Variants in KCNAB2 observed in about 807,000 individuals in gnomAD.
KCNAB2 encodes potassium voltage-gated channel subfamily A regulatory beta subunit 2, also known as voltage-gated potassium channel subunit beta-2.
In KCNAB2, 29 loss-of-function variants were observed where a neutral mutation model predicts 63.6. That is an observed-to-expected ratio of 0.46 (90% CI 0.34 to 0.62). The LOEUF (loss-of-function observed/expected upper bound fraction) is 0.62. Among genes scored for constraint, KCNAB2 ranks in the 20% least tolerant of loss-of-function variants. KCNAB2 has a pLI of 0.01. For synonymous variants in KCNAB2, 222 were observed against 224.2 expected, an observed-to-expected ratio of 0.99 and a Z score of 0.09; for missense variants, 359 against 563.9, an observed-to-expected ratio of 0.64 and a Z score of 3.68.
chr1:6,066,108 G>A (rs186976327), intron 2 of KCNAB2, among the ~76,000 whole-genome samples: 3 of 152,324 alleles, frequency 2.0e-5, no homozygotes, highest in Admixed American at 1.3e-4. Context: ...CTCAAGGGCC[G>A]GGGCCCTGAG....
Position 6,098,748 on chromosome 1 carries a change from T to G in KCNAB2, c.*174T>G. ...TCGCTGCCAGACACCACCCACTGCT[T>G]CGCCGGACAATGTCGAAGTCCAGTC... is the stretch of plus-strand genomic sequence containing the variant. On this transcript the variant is annotated 3_prime_UTR_variant, in exon 16 of 16. Coordinates refer to ENST00000378083, the MANE Select transcript of KCNAB2 (RefSeq NM_001199862.2). The G allele has an allele frequency of 1.3e-6, 1 of 779,006 alleles. No individual in the cohort carries two copies. Among genetic ancestry groups the G allele is most frequent in the Admixed American group, 2.8e-5 (1 of 35,590 alleles). 48.3% of individuals were successfully genotyped at this position (779,006 alleles called of 1,614,324 possible).
At position 6,087,345 on chromosome 1, in the gene KCNAB2, C is replaced by T. The variant is rs970689507; in HGVS notation, c.426-122C>T. Reference sequence around the variant, plus strand: ...TGATGGAGAAGTGCCCATTTCATGCCCCAGGCTCCTGGGTGGGAGGGCTTT... The same window carrying T: ...TGATGGAGAAGTGCCCATTTCATGCTCCAGGCTCCTGGGTGGGAGGGCTTT... On this transcript the variant is annotated intron_variant, in intron 6 of 15. Coordinates refer to ENST00000378083, the MANE Select transcript of KCNAB2 (RefSeq NM_001199862.2). This position sits in a 1 kb window ranked among gnomAD's most constrained non-coding sequence, Gnocchi z 6.4. The T allele has an allele frequency of 5.6e-6, 6 of 1,068,338 alleles. No homozygotes were observed. The African/African-American group carries it at 7.8e-5, about 14-fold the overall frequency. 66.2% of individuals were successfully genotyped at this position (1,068,338 alleles called of 1,614,324 possible). A position where few individuals can be genotyped will look rare whatever the true frequency, so the allele number is the denominator to read the frequency against.
rs774665460 is a variant in KCNAB2 at position 6,073,615 on chromosome 1, C to T, written c.263-118C>T. ...CACTAAGGACACCCTGGCCACAGAGCAGCACAGAGGGACACCTGTGGCTGC... is the reference window on the plus strand; with the variant it reads ...CACTAAGGACACCCTGGCCACAGAGTAGCACAGAGGGACACCTGTGGCTGC... On this transcript the variant is annotated intron_variant, in intron 3 of 15. Coordinates refer to ENST00000378083, the MANE Select transcript of KCNAB2 (RefSeq NM_001199862.2). The surrounding 1 kb of genome is among the most constrained non-coding windows in gnomAD (Gnocchi z 5.7). 6.1e-5 allele frequency: 54 copies of T among 890,896 alleles called. No individual in the cohort carries two copies. Among genetic ancestry groups the T allele is most frequent in the Non-Finnish European group, 9.6e-5 (51 of 528,682 alleles). 55.2% of individuals were successfully genotyped at this position (890,896 alleles called of 1,614,324 possible).
rs34975389 is a variant in KCNAB2, at chr1:6,085,213, G to A, written c.390G>A (p.Val130=). Residue 130 remains valine, a synonymous_variant, in exon 6 of 16, where the codon GTG becomes GTA. Coordinates refer to ENST00000378083, the MANE Select transcript of KCNAB2 (RefSeq NM_001199862.2). ...AEVYAAGKAE[V]VLGNIIKKKG... ...GTGTCTTGTTTTGCAGGGCTGAAGTGGTACTGGGAAACATCATTAAGAAGA... is the reference window on the plus strand; with the variant it reads ...GTGTCTTGTTTTGCAGGGCTGAAGTAGTACTGGGAAACATCATTAAGAAGA... 4.4e-3 allele frequency: 7,158 copies of A among 1,614,060 alleles called. 29 individuals carry two copies. The highest frequency in any genetic ancestry group is 5.4e-3 in the Non-Finnish European group (6,384 of 1,179,894).
chr1:6,010,500 C>T (rs1230843612), intron 1 of KCNAB2, among the ~76,000 whole-genome samples: 2 of 152,210 alleles, frequency 1.3e-5, no homozygotes, highest in Non-Finnish European at 2.9e-5. Flanking sequence ...TCAAGTGTGG[C>T]CAAGGCTGTC....
intron 11 of KCNAB2, 93 bp from the exon 12 acceptor site, chr1:6,095,230 C>T (rs1199406430): frequency 2.9e-6 from 4 of 1,370,824 alleles, no homozygotes; most frequent in Non-Finnish European, 3.0e-6. Flanking sequence ...CAGCCTGCTC[C>T]GGGGACACCT....
At chr1:6,038,920 C>T (rs1009255268) in intron 1 of KCNAB2, among the ~76,000 whole-genome samples, 1 of 152,200 alleles carries the variant, frequency 6.6e-6, no homozygotes, top group Non-Finnish European at 1.5e-5. Flanking sequence ...TGTGGGACCA[C>T]GTGATTTTGG....
chr1:6,062,047 T>C lies in KCNAB2; in HGVS notation c.218+10293T>C, dbSNP rs535823303. On this transcript the variant is annotated intron_variant, in intron 2 of 15. Transcript: ENST00000378083. ...TCCAGTGTCAGCCAAGCGCGGTGGC[T>C]CACGCCTGTAATCCCAGCATTTTAG... 4.0e-5 allele frequency among the ~76,000 whole-genome samples: 6 copies of C among 151,808 alleles called. No individual in the cohort carries two copies. The South Asian group carries it at 1.2e-3, about 32-fold the overall frequency.
At chr1:6,072,926 A>C in intron 3 of KCNAB2, 128 bp downstream of exon 3, 1 of 753,688 alleles carries the variant, frequency 1.3e-6, no homozygotes, top group East Asian at 2.8e-5. Flanking sequence ...GAGTAGCTGC[A>C]CCCAGAGCCC....
intron 1 of KCNAB2, among the ~76,000 whole-genome samples, chr1:6,016,737 C>T (rs1192795556): frequency 2.0e-5 from 3 of 152,176 alleles, no homozygotes; most frequent in Admixed American, 2.0e-4. Flanking sequence ...GACACTAATA[C>T]GTCCCACTGG....
intron 2 of KCNAB2, among the ~76,000 whole-genome samples, chr1:6,066,001 A>T (rs561543079): frequency 6.6e-6 from 1 of 152,108 alleles, no homozygotes. Context: ...TTTCTTGGGG[A>T]CAGATGGCTC....
chr1:6,028,862 C>A lies in KCNAB2; in HGVS notation c.-52-11655C>A, dbSNP rs1239193807. 6.6e-6 allele frequency among the ~76,000 whole-genome samples: 1 copy of A among 152,234 alleles called. No homozygotes were observed. Among genetic ancestry groups the A allele is most frequent in the Middle Eastern group, 3.2e-3 (1 of 316 alleles). On this transcript the variant is annotated intron_variant, in intron 1 of 16. Transcript: ENST00000341524. This position sits in a 1 kb window ranked among gnomAD's most constrained non-coding sequence, Gnocchi z 4.0. ...AGATAAGGAATACAAGGTGATCATT[C>A]TTAAGACCTCGGGGATCTGCAAACC...
rs751935795 is a variant in KCNAB2, at chr1:6,090,449, G to A, written c.575G>A (p.Arg192His). The change falls in exon 9 of 16, where the codon CGC becomes CAC. Residue 192 changes from arginine (R) to histidine (H), a missense_variant. Coordinates refer to ENST00000378083, the MANE Select transcript of KCNAB2 (RefSeq NM_001199862.2). The stretch of plus-strand genomic sequence containing the variant: ...TACGTGGATGTGGTGTTTGCCAACC[G>A]CCCGGACCCCAACACCCCGATGGAA... ...LEYVDVVFANRPDPNTPMEGD... is the reference protein window; with the variant it reads ...LEYVDVVFANHPDPNTPMEGD... 8 of 1,613,610 alleles carry A rather than the reference G, an allele frequency of 5.0e-6. No homozygotes were observed. Among genetic ancestry groups the A allele is most frequent in the Non-Finnish European group, 5.1e-6 (6 of 1,179,876 alleles).
chr1:6,066,198 G>A (rs758786788), intron 2 of KCNAB2, among the ~76,000 whole-genome samples: 5 of 152,240 alleles, frequency 3.3e-5, no homozygotes, highest in African/African-American at 7.2e-5. Flanking sequence ...ATGGTGGCCC[G>A]GAGCCTGGGA....
rs1054718795 is a variant in KCNAB2 at position 6,097,534 on chromosome 1, A to G, written c.1158+177A>G. 11 of 1,090,444 alleles carry G rather than the reference A, an allele frequency of 1.0e-5. No individual in the cohort carries two copies. In the African/African-American group the frequency reaches 1.4e-4, roughly 14 times the overall value. 67.5% of individuals were successfully genotyped at this position (1,090,444 alleles called of 1,614,324 possible). ...CTTTCCAGCAGGAACAGACATGAACACTAACTGCACGAAACAAGGAGGTTA... is the reference window on the plus strand; with the variant it reads ...CTTTCCAGCAGGAACAGACATGAACGCTAACTGCACGAAACAAGGAGGTTA... On this transcript the variant is annotated intron_variant, in intron 15 of 15. Coordinates refer to ENST00000378083, the MANE Select transcript of KCNAB2 (RefSeq NM_001199862.2).
upstream of KCNAB2, among the ~76,000 whole-genome samples, chr1:6,029,664 A>G (rs1323218522): frequency 6.6e-6 from 1 of 152,196 alleles, no homozygotes; most frequent in Non-Finnish European, 1.5e-5. Context: ...CTCCCTCATT[A>G]TCATCCCATT....
intron 1 of KCNAB2, among the ~76,000 whole-genome samples, chr1:6,048,785 G>A (rs926281739): frequency 2.6e-5 from 4 of 152,190 alleles, no homozygotes; most frequent in East Asian, 1.9e-4. Flanking sequence ...GCCCCACACC[G>A]GACTGGCAGC....
At chr1:6,049,849 C>T (rs1045855739) in intron 1 of KCNAB2, among the ~76,000 whole-genome samples, 6 of 152,228 alleles carry the variant, frequency 3.9e-5, no homozygotes, top group Middle Eastern at 3.2e-3. Context: ...AAGATACAGA[C>T]GAATACTTGC....
intron 1 of KCNAB2, among the ~76,000 whole-genome samples, chr1:6,004,583 C>G (rs566192588): frequency 2.0e-5 from 3 of 151,542 alleles, no homozygotes; most frequent in South Asian, 2.1e-4. Context: ...AAACACCCCC[C>G]CGAGATTCTG....
Sources: allele counts gnomAD v4.1 joint callset (sites outside exome capture counted in the v4.1 genomes callset), GRCh38; gene constraint gnomAD v4.1.1; non-coding constraint Gnocchi (gnomAD v3.1); transcripts MANE v1.5; gene names NCBI Gene and HGNC (gene_info 2026-07-23, HGNC 2026-07-21).